Variants in PPP3CC observed in about 807,000 individuals in gnomAD.
PPP3CC encodes protein phosphatase 3 catalytic subunit gamma.
In PPP3CC, 35 loss-of-function variants were observed where a neutral mutation model predicts 60.3. That is an observed-to-expected ratio of 0.58 (90% CI 0.44 to 0.77). The LOEUF (loss-of-function observed/expected upper bound fraction) is 0.77, where lower values mean the gene tolerates loss of function less well. PPP3CC is among the 30% of genes least tolerant of loss of function. The pLI, the probability that PPP3CC is intolerant of heterozygous loss-of-function variation, is 0.00. For synonymous variants in PPP3CC, 206 were observed against 224.3 expected (o/e 0.92, Z 0.73); for missense variants, 570 against 628.9 (o/e 0.91, Z 1.00).
chr8:22,489,985 C>A (rs763172192), intron 3 of PPP3CC, among the ~76,000 whole-genome samples: 1 of 151,012 alleles, frequency 6.6e-6, no homozygotes, highest in Non-Finnish European at 1.5e-5. Context: ...CCACGCCCAG[C>A]AATTTTTTTT....
chr8:22,537,900 G>T (rs2117161983), intron 12 of PPP3CC, among the ~76,000 whole-genome samples: 1 of 152,302 alleles, frequency 6.6e-6, no homozygotes, highest in South Asian at 2.1e-4. Flanking sequence ...GGGAAGAGGT[G>T]AGGGAAGGAA....
intron 4 of PPP3CC, among the ~76,000 whole-genome samples, chr8:22,507,975 C>G (rs1383145151): frequency 1.3e-5 from 2 of 152,122 alleles, no homozygotes; most frequent in African/African-American, 4.8e-5. Flanking sequence ...AGGCCAGGTA[C>G]AAGTGCAGTA....
At chr8:22,485,524 C>T (rs996351627) in intron 3 of PPP3CC, among the ~76,000 whole-genome samples, 2 of 152,142 alleles carry the variant, frequency 1.3e-5, no homozygotes, top group African/African-American at 2.4e-5. Context: ...AAGAATGACT[C>T]ACTAAGGGAA....
At chr8:22,526,920 G>A (rs535030933) in intron 8 of PPP3CC, among the ~76,000 whole-genome samples, 1 of 152,292 alleles carries the variant, frequency 6.6e-6, no homozygotes, top group East Asian at 1.9e-4. Context: ...GTATCTTCCA[G>A]TATGAGTTGA....
chr8:22,510,840 C>G (rs1228752463), intron 4 of PPP3CC: 2 of 442,078 alleles, frequency 4.5e-6, no homozygotes, highest in African/African-American at 3.9e-5. Flanking sequence ...TGGACAGTCA[C>G]CTTATCACAT....
At chr8:22,516,932 A>T (rs1250699124) in intron 6 of PPP3CC, among the ~76,000 whole-genome samples, 1 of 152,244 alleles carries the variant, frequency 6.6e-6, no homozygotes, top group Non-Finnish European at 1.5e-5. Context: ...TTAATGAATC[A>T]ACAGTGTAAA....
At chr8:22,521,979 C>A (rs950540984) in intron 6 of PPP3CC, among the ~76,000 whole-genome samples, 5 of 150,468 alleles carry the variant, frequency 3.3e-5, no homozygotes, top group African/African-American at 1.2e-4. Flanking sequence ...AAAAAACAAA[C>A]CTATATATAT....
chr8:22,493,630 C>T (rs1838474123), intron 3 of PPP3CC, among the ~76,000 whole-genome samples: 1 of 152,076 alleles, frequency 6.6e-6, no homozygotes, highest in South Asian at 2.1e-4. Flanking sequence ...GGGTCAGGAT[C>T]ATCAATATCA....
intron 3 of PPP3CC, among the ~76,000 whole-genome samples, chr8:22,496,006 T>C (rs1449437118): frequency 6.6e-6 from 1 of 152,182 alleles, no homozygotes; most frequent in African/African-American, 2.4e-5. Context: ...TTCTAGAACT[T>C]GTGTGGCTTT....
In PPP3CC at chr8:22,524,750, C is replaced by T. The variant is rs140843110; in HGVS notation, c.943+2001C>T. 1.4e-3 allele frequency among the ~76,000 whole-genome samples: 217 copies of T among 152,230 alleles called. 2 individuals carry two copies. The highest frequency in any genetic ancestry group is 5.0e-3 in the African/African-American group (207 of 41,548). On this transcript the variant is annotated intron_variant, in intron 8 of 13. Coordinates refer to ENST00000240139, the MANE Select transcript of PPP3CC (RefSeq NM_005605.5). ...TTTATCAGTGTGCCAAGCTGAAACA[C>T]GCCACCTAAGTCAGCAGGCACTATA... is the stretch of plus-strand genomic sequence containing the variant.
intron 6 of PPP3CC, among the ~76,000 whole-genome samples, chr8:22,516,915 T>A (rs1328008946): frequency 2.0e-5 from 3 of 152,164 alleles, no homozygotes; most frequent in African/African-American, 7.2e-5. Context: ...TGGCCATGAG[T>A]TCAATGTTAA....
At chr8:22,445,394 G>T (rs762405047) in intron 1 of PPP3CC, among the ~76,000 whole-genome samples, 1 of 151,860 alleles carries the variant, frequency 6.6e-6, no homozygotes, top group African/African-American at 2.4e-5. Flanking sequence ...TTAAATATAA[G>T]CTTAATCCTG....
At chr8:22,496,093 T>C (rs1190845327) in intron 3 of PPP3CC, among the ~76,000 whole-genome samples, 1 of 152,118 alleles carries the variant, frequency 6.6e-6, no homozygotes, top group African/African-American at 2.4e-5. Context: ...ACTTTATGTT[T>C]TTTTTTTAAA....
intron 3 of PPP3CC, among the ~76,000 whole-genome samples, chr8:22,488,130 A>C (rs1475766543): frequency 3.3e-5 from 5 of 152,260 alleles, no homozygotes; most frequent in African/African-American, 1.2e-4. Context: ...GTATACCCAG[A>C]TAAATCAAAA....
Position 22,540,597 on chromosome 8 carries a change from C to G in PPP3CC, c.1352-18C>G. ...TGCCTAATTGAGCTCTCTCCACCTG[C>G]TTCCTGTTTTTCTGTAGCCATCAGA... On this transcript the variant is annotated intron_variant, in intron 13 of 13. Coordinates refer to ENST00000240139, the MANE Select transcript of PPP3CC (RefSeq NM_005605.5). 1 of 1,606,508 alleles carries G rather than the reference C, an allele frequency of 6.2e-7. No homozygotes were observed. The highest frequency in any genetic ancestry group is 8.5e-7 in the Non-Finnish European group (1 of 1,176,476).
chr8:22,479,169 A>G (rs1837987316), intron 3 of PPP3CC, among the ~76,000 whole-genome samples: 1 of 151,814 alleles, frequency 6.6e-6, no homozygotes, highest in Non-Finnish European at 1.5e-5. Context: ...CATGAGTGTG[A>G]TGTTTTTGTT....
intron 3 of PPP3CC, among the ~76,000 whole-genome samples, chr8:22,487,345 T>G (rs1341523528): frequency 6.6e-6 from 1 of 152,174 alleles, no homozygotes; most frequent in African/African-American, 2.4e-5. Flanking sequence ...AAATGCTGGC[T>G]GGGCGCCCTG....
rs917777303 is a variant in PPP3CC at position 22,527,331 on chromosome 8, G to A, written c.944-61G>A. 83 of 1,577,248 alleles carry A rather than the reference G, an allele frequency of 5.3e-5. No homozygotes were observed. In the South Asian group the frequency reaches 8.2e-4, roughly 16 times the overall value. Reference sequence around the variant, plus strand: ...TGTAGCAGGTACACAGCTGTACAAAGCATACCACTTGCCATGCCATGTTCC... The same window carrying A: ...TGTAGCAGGTACACAGCTGTACAAAACATACCACTTGCCATGCCATGTTCC... On this transcript the variant is annotated intron_variant, in intron 8 of 13. Coordinates refer to ENST00000240139, the MANE Select transcript of PPP3CC (RefSeq NM_005605.5).
intron 3 of PPP3CC, among the ~76,000 whole-genome samples, chr8:22,497,680 C>T (rs945105297): frequency 1.4e-4 from 22 of 152,188 alleles, no homozygotes; most frequent in Non-Finnish European, 8.8e-5. Flanking sequence ...ATATTCTTGC[C>T]TTGTTCCTGG....
Sources: gnomAD v4.1 joint callset for allele counts (sites outside exome capture counted in the v4.1 genomes callset) on GRCh38, gnomAD v4.1.1 for gene constraint, MANE v1.5 for transcripts, NCBI Gene and HGNC (gene_info 2026-07-23, HGNC 2026-07-21) for gene names.